TANC1: variants seen among roughly 807,000 people sequenced by gnomAD.
The protein encoded by TANC1 is tetratricopeptide repeat, ankyrin repeat and coiled-coil containing 1.
In TANC1, 77 loss-of-function variants were observed where a neutral mutation model predicts 149.7. That is an observed-to-expected ratio of 0.51 (90% confidence interval 0.43 to 0.62). The LOEUF is 0.62. Ranked by LOEUF, TANC1 falls within the 20% of genes least tolerant of loss-of-function variation. The pLI, the probability that TANC1 is intolerant of heterozygous loss-of-function variation, is 0.00. For missense variants in TANC1, 1,985 were observed against 2,321.8 expected, an observed-to-expected ratio of 0.85 and a Z score of 2.98; for synonymous variants, 854 against 925.0, an observed-to-expected ratio of 0.92 and a Z score of 1.39.
At chr2:159,132,200 C>A (rs866746128) in intron 4 of TANC1, among the ~76,000 whole-genome samples, 2 of 152,178 alleles carry the variant, frequency 1.3e-5, no homozygotes, top group African/African-American at 4.8e-5. Context: ...GGAAATTGTA[C>A]TTTTCTCCCA....
intron 2 of TANC1, among the ~76,000 whole-genome samples, chr2:159,048,258 G>A (rs1385752368): frequency 1.4e-4 from 22 of 152,268 alleles, no homozygotes; most frequent in Non-Finnish European, 1.5e-5. Context: ...GCTTTGGGGG[G>A]CAGTAACTGG....
At chr2:159,088,594 C>T (rs264621) in intron 3 of TANC1, among the ~76,000 whole-genome samples, 6 of 152,278 alleles carry the variant, frequency 3.9e-5, no homozygotes, top group South Asian at 2.1e-4. Context: ...CTTGTCCAAC[C>T]CACGGCCTGT....
chr2:159,217,392 A>C (rs1575322004), intron 19 of TANC1, 105 bp from the exon 20 acceptor site: 1 of 1,463,370 alleles, frequency 6.8e-7, no homozygotes, highest in Non-Finnish European at 9.4e-7. Context: ...GGGGGAGGAC[A>C]TATAGACCCC....
intron 24 of TANC1, chr2:159,227,285 T>C (rs1450414947): frequency 6.5e-6 from 1 of 152,704 alleles, no homozygotes; most frequent in East Asian, 1.9e-4. Context: ...ACTGAGCAAA[T>C]GGATTTTTTT....
At chr2:159,189,553 A>G (rs1439379685) in intron 16 of TANC1, among the ~76,000 whole-genome samples, 1 of 152,164 alleles carries the variant, frequency 6.6e-6, no homozygotes, top group African/African-American at 2.4e-5. Flanking sequence ...ATATATATAC[A>G]TACACTTTTT....
chr2:159,146,740 C>T (rs1574956126), intron 5 of TANC1, among the ~76,000 whole-genome samples: 1 of 151,934 alleles, frequency 6.6e-6, no homozygotes, highest in Non-Finnish European at 1.5e-5. Flanking sequence ...GGGGTTTCAC[C>T]ATGTTGGCCA....
rs547478070 is a variant in TANC1 at position 159,157,001 on chromosome 2, C to T, written c.683-6282C>T. The stretch of plus-strand genomic sequence containing the variant: ...GCATGTCATAGCAGAGCATGCCTTG[C>T]GCAACACAGGTGAGCACTGAGCTAG... On this transcript the variant is annotated intron_variant, in intron 7 of 26. Transcript: ENST00000263635. 2.5e-3 allele frequency among the ~76,000 whole-genome samples: 385 copies of T among 152,316 alleles called. 2 individuals carry two copies. Among genetic ancestry groups the T allele is most frequent in the African/African-American group, 8.7e-3 (363 of 41,574 alleles).
At chr2:159,083,392 A>T (rs2044489463) in intron 3 of TANC1, among the ~76,000 whole-genome samples, 1 of 151,814 alleles carries the variant, frequency 6.6e-6, no homozygotes, top group South Asian at 2.1e-4. Context: ...CTCTTAGAAG[A>T]TCCCTCATTA....
chr2:159,133,723 T>A (rs2050349847), intron 4 of TANC1, among the ~76,000 whole-genome samples: 1 of 152,218 alleles, frequency 6.6e-6, no homozygotes, highest in Admixed American at 6.5e-5. Flanking sequence ...CAATTGTGTG[T>A]CCCCTGTAAC....
intron 7 of TANC1, among the ~76,000 whole-genome samples, chr2:159,162,029 A>G (rs974244967): frequency 6.6e-6 from 1 of 152,244 alleles, no homozygotes; most frequent in African/African-American, 2.4e-5. Flanking sequence ...AGAGAGGGTG[A>G]TAAGTCCAGG....
chr2:159,219,973 A>AGTGT (rs1575337380), intron 22 of TANC1, 106 bp downstream of exon 22: 4 of 651,394 alleles, frequency 6.1e-6, no homozygotes, highest in East Asian at 3.9e-5. Context: ...CAGTGTCATC[A>AGTGT]GAGAGTGTGT....
chr2:159,082,243 C>T (rs1193639176), intron 3 of TANC1, among the ~76,000 whole-genome samples: 1 of 152,168 alleles, frequency 6.6e-6, no homozygotes, highest in African/African-American at 2.4e-5. Context: ...AGGGCCACAC[C>T]CCTGCAGTCT....
At chr2:159,176,605 A>C in intron 13 of TANC1, 87 bp downstream of exon 13, 1 of 1,039,682 alleles carries the variant, frequency 9.6e-7, no homozygotes, top group Non-Finnish European at 1.4e-6. Flanking sequence ...GTTGTAAACC[A>C]TTCAGCTGCT....
chr2:159,045,839 T>G (rs1334607835), intron 2 of TANC1, among the ~76,000 whole-genome samples: 3 of 152,212 alleles, frequency 2.0e-5, no homozygotes, highest in Non-Finnish European at 4.4e-5. Flanking sequence ...TAAAATTGCA[T>G]GCGATAGCAT....
intron 2 of TANC1, among the ~76,000 whole-genome samples, chr2:159,036,095 T>G (rs569222958): frequency 6.6e-6 from 1 of 152,244 alleles, no homozygotes; most frequent in South Asian, 2.1e-4. Context: ...GTGTGCTTTA[T>G]GAAAGGAGAC....
rs544839726 is a variant in TANC1 at position 159,219,184 on chromosome 2, C to T, written c.3379-54C>T. The stretch of plus-strand genomic sequence containing the variant: ...GGTTGAGAAACCTGCCTGGGTATAG[C>T]AGGTGTGGTGGAAAATGCAGCAGGA... On this transcript the variant is annotated intron_variant, in intron 20 of 26. Transcript: ENST00000263635. 43 of 1,609,954 alleles carry T rather than the reference C, an allele frequency of 2.7e-5. No homozygotes were observed. In the East Asian group the frequency reaches 9.4e-4, roughly 35 times the overall value.
chr2:159,042,152 C>T lies in TANC1; in HGVS notation c.-15-23744C>T, dbSNP rs186656731. ...TTTGAAGTCCTGGTGGGGAAGGCAG[C>T]AGGTCTTCTGGAGCTCCTCATTAAA... On this transcript the variant is annotated intron_variant, in intron 2 of 26. Transcript: ENST00000263635. 2.6e-5 allele frequency among the ~76,000 whole-genome samples: 4 copies of T among 152,280 alleles called. No individual in the cohort carries two copies. In the East Asian group the frequency reaches 7.7e-4, roughly 29 times the overall value.
At chr2:159,015,975 T>G (rs1025076083) in intron 2 of TANC1, among the ~76,000 whole-genome samples, 2 of 152,210 alleles carry the variant, frequency 1.3e-5, no homozygotes, top group African/African-American at 4.8e-5. Context: ...TGTTCCAGCC[T>G]CTGTATGTTA....
chr2:159,114,298 C>T (rs2048026200), intron 4 of TANC1, among the ~76,000 whole-genome samples: 1 of 152,142 alleles, frequency 6.6e-6, no homozygotes, highest in Non-Finnish European at 1.5e-5. Flanking sequence ...CCACCTGAGT[C>T]CCATAAGATT....
Sources: gnomAD v4.1 joint callset for allele counts (sites outside exome capture counted in the v4.1 genomes callset) on GRCh38, gnomAD v4.1.1 for gene constraint, MANE v1.5 for transcripts, NCBI Gene and HGNC (gene_info 2026-07-23, HGNC 2026-07-21) for gene names.